The following PARD3 variants were observed in gnomAD, a reference collection of about 807,000 sequenced individuals.
The protein encoded by PARD3 is par-3 family cell polarity regulator.
PARD3 carries 75 observed loss-of-function variants against 155.4 expected under a neutral mutation model. That is an observed-to-expected ratio of 0.48 (90% CI 0.40 to 0.58). The LOEUF (loss-of-function observed/expected upper bound fraction) is 0.58. Among genes scored for constraint, PARD3 ranks in the 20% least tolerant of loss-of-function variants. PARD3 has a pLI of 0.00. For missense variants in PARD3, 1,642 were observed against 1,721.7 expected, an observed-to-expected ratio of 0.95 and a Z score of 0.82; for synonymous variants, 576 against 610.5, an observed-to-expected ratio of 0.94 and a Z score of 0.83.
rs767994769 is a variant in PARD3, at chr10:34,261,780, GAAAA to G, written c.3419+7873_3419+7876del. ...AGAAAGGAAGGAAGGAAGAAAGAAA[GAAAA>G]GAAAGAAAGAAAGAAAGAAAGAAAG... On this transcript the variant is annotated intron_variant, in intron 22 of 24. Coordinates refer to ENST00000374788, the MANE Select transcript of PARD3 (RefSeq NM_001184785.2). 4.4e-3 allele frequency among the ~76,000 whole-genome samples: 211 copies of G among 47,632 alleles called. 3 individuals carry two copies. The highest frequency in any genetic ancestry group is 8.2e-3 in the South Asian group (9 of 1,100). 31.2% of individuals were successfully genotyped at this position (47,632 alleles called of 152,430 possible).
At chr10:34,572,351 A>G (rs1367252514) in intron 2 of PARD3, among the ~76,000 whole-genome samples, 2 of 152,062 alleles carry the variant, frequency 1.3e-5, no homozygotes, top group African/African-American at 2.4e-5. Context: ...ATTAAAACCT[A>G]AAGAGGTGCA....
rs542915764 is a variant in PARD3 at position 34,686,771 on chromosome 10, G to A, written c.222+9547C>T. On this transcript the variant is annotated intron_variant, in intron 2 of 24. Transcript: ENST00000374788. ...AGAAAAGAAAAAAAAAAGCCAGGCC[G>A]GACATGGTGGCTCACACCTGTAATC... 1.6e-4 allele frequency among the ~76,000 whole-genome samples: 24 copies of A among 151,202 alleles called. No homozygotes were observed. The South Asian group carries it at 1.9e-3, about 12-fold the overall frequency.
intron 2 of PARD3, among the ~76,000 whole-genome samples, chr10:34,580,620 T>C (rs1174359964): frequency 2.0e-5 from 3 of 152,340 alleles, no homozygotes; most frequent in Middle Eastern, 6.8e-3. Context: ...AGTTATCTAT[T>C]AACCATAGTT....
At chr10:34,320,544 T>C (rs757078679) in intron 19 of PARD3, among the ~76,000 whole-genome samples, 3 of 152,246 alleles carry the variant, frequency 2.0e-5, no homozygotes, top group African/African-American at 7.2e-5. Context: ...AAGGGGCATA[T>C]GTCGGCTCTT....
intron 5 of PARD3, among the ~76,000 whole-genome samples, chr10:34,413,471 T>G (rs1845333042): frequency 6.6e-6 from 1 of 151,836 alleles, no homozygotes. Flanking sequence ...TTCCACTTAT[T>G]TGAGAAACCT....
At chr10:34,221,719 G>C (rs12268666) in intron 22 of PARD3, among the ~76,000 whole-genome samples, 4,085 of 152,302 alleles carry the variant, frequency 0.027, 87 homozygotes, top group Non-Finnish European at 0.038. Context: ...GCAACCTGTA[G>C]TACCCTTCCT....
chr10:34,317,347 GA>G lies in PARD3; in HGVS notation c.2834-10del, dbSNP rs1411897097. Reference sequence around the variant, plus strand: ...TTCTGTGTCTTCTTCCACTTGGAAGGAAAGAAAAAAAAATAGGGACACAGTG... The same window carrying G: ...TTCTGTGTCTTCTTCCACTTGGAAGGAAGAAAAAAAAATAGGGACACAGTG... On this transcript the variant is annotated splice_polypyrimidine_tract_variant and intron_variant, in intron 19 of 24. Transcript: ENST00000374788. The G allele has an allele frequency of 1.3e-6, 2 of 1,569,528 alleles. No homozygotes were observed. Among genetic ancestry groups the G allele is most frequent in the Non-Finnish European group, 1.7e-6 (2 of 1,163,576 alleles).
chr10:34,671,930 C>T (rs1343304281), intron 2 of PARD3, among the ~76,000 whole-genome samples: 2 of 151,974 alleles, frequency 1.3e-5, no homozygotes, highest in Non-Finnish European at 2.9e-5. Context: ...AAAAGGATAA[C>T]CTTGGAGGCC....
intron 15 of PARD3, chr10:34,343,405 T>C: frequency 1.0e-6 from 1 of 983,760 alleles, no homozygotes; most frequent in Non-Finnish European, 1.2e-6. Context: ...TGTAATCTGT[T>C]GTTCTGAGTA....
intron 2 of PARD3, among the ~76,000 whole-genome samples, chr10:34,572,217 G>T (rs150624286): frequency 2.9e-4 from 44 of 152,188 alleles, no homozygotes; most frequent in African/African-American, 9.4e-4. Flanking sequence ...CTTGAAAAAA[G>T]CACAATGAGG....
rs1344726325 is a variant in PARD3 at position 34,815,175 on chromosome 10, C to T, written c.-180G>A. The T allele has an allele frequency of 1.2e-5, 2 of 172,946 alleles. No individual in the cohort carries two copies. The highest frequency in any genetic ancestry group is 2.3e-5 in the Non-Finnish European group (2 of 86,442). The allele number at this position is 172,946 out of a possible 1,614,324, so 10.7% of individuals were successfully genotyped here. ...GCTCAGCTCGCATGCCCGGCCCGGC[C>T]GCCCTCGCCTCGCCTCGCTTCGCCC... On this transcript the variant is annotated 5_prime_UTR_variant, in exon 1 of 25. Transcript: ENST00000374788.
intron 2 of PARD3, among the ~76,000 whole-genome samples, chr10:34,531,180 C>T (rs1374457747): frequency 6.6e-6 from 1 of 152,172 alleles, no homozygotes; most frequent in Non-Finnish European, 1.5e-5. Flanking sequence ...AATCCTAGTG[C>T]TTGATCCTTT....
At chr10:34,165,891 C>T (rs560064490) in intron 22 of PARD3, among the ~76,000 whole-genome samples, 1 of 152,332 alleles carries the variant, frequency 6.6e-6, no homozygotes, top group South Asian at 2.1e-4. Context: ...TTCTAATCAC[C>T]TGGTAAGTGT....
chr10:34,628,186 C>A (rs2132785939), intron 2 of PARD3, among the ~76,000 whole-genome samples: 1 of 152,300 alleles, frequency 6.6e-6, no homozygotes, highest in South Asian at 2.1e-4. Context: ...AGATACTGCA[C>A]AGGAGCTTAG....
chr10:34,366,769 AAATTT>A (rs1840006359), intron 12 of PARD3, among the ~76,000 whole-genome samples: 1 of 150,426 alleles, frequency 6.6e-6, no homozygotes, highest in African/African-American at 2.4e-5. Context: ...AATTTTTCTT[AAATTT>A]AAGAACCATG....
chr10:34,351,252 T>G (rs898584338), intron 14 of PARD3, among the ~76,000 whole-genome samples: 28 of 89,068 alleles, frequency 3.1e-4, no homozygotes, highest in East Asian at 5.8e-4. Flanking sequence ...AATATTTCAG[T>G]TTTTTTTTAG....
chr10:34,516,113 C>CTGTGT (rs2081740753), intron 3 of PARD3, among the ~76,000 whole-genome samples: 2 of 152,056 alleles, frequency 1.3e-5, no homozygotes, highest in South Asian at 2.1e-4. Context: ...TACAGGCAAC[C>CTGTGT]GCCACCACGC....
intron 2 of PARD3, among the ~76,000 whole-genome samples, chr10:34,591,313 A>G (rs2088654831): frequency 6.6e-6 from 1 of 152,176 alleles, no homozygotes; most frequent in Non-Finnish European, 1.5e-5. Flanking sequence ...TAATTAGTAA[A>G]TATGGTCTTT....
intron 22 of PARD3, among the ~76,000 whole-genome samples, chr10:34,210,016 A>G (rs1951662530): frequency 6.6e-6 from 1 of 152,072 alleles, no homozygotes; most frequent in South Asian, 2.1e-4. Context: ...CTGTAAATTT[A>G]TAAAATTAGC....
Sources: allele counts gnomAD v4.1 joint callset (sites outside exome capture counted in the v4.1 genomes callset), GRCh38; gene constraint gnomAD v4.1.1; transcripts MANE v1.5; gene names NCBI Gene and HGNC (gene_info 2026-07-23, HGNC 2026-07-21).